The following COLQ variants were observed in gnomAD, a reference collection of about 807,000 sequenced individuals.
The protein encoded by COLQ is collagen like tail subunit of asymmetric acetylcholinesterase, also known as acetylcholinesterase collagenic tail peptide.
In COLQ, 48 loss-of-function variants were observed where a neutral mutation model predicts 69.0. The ratio of observed to expected loss-of-function variants is 0.70; its 90% CI spans 0.55 to 0.88. COLQ has a LOEUF of 0.88. COLQ is among the 40% of genes least tolerant of loss of function. The pLI, the probability that COLQ is intolerant of heterozygous loss-of-function variation, is 0.00. For synonymous variants in COLQ, 217 were observed against 211.2 expected (o/e 1.03, Z -0.24); for missense variants, 618 against 594.6 (o/e 1.04, Z -0.41).
chr3:15,507,423 C>T lies in COLQ; in HGVS notation c.106+14097G>A, dbSNP rs548055749. On this transcript the variant is annotated intron_variant, in intron 1 of 16. Coordinates refer to ENST00000383788, the MANE Select transcript of COLQ (RefSeq NM_005677.4). ...GAGAGTGCCTGTTTCCATACACCTTCGCCAACAGTCTGATGTTTGACCTCT... is the reference window on the plus strand; with the variant it reads ...GAGAGTGCCTGTTTCCATACACCTTTGCCAACAGTCTGATGTTTGACCTCT... Among the ~76,000 whole-genome samples, 9 of 152,322 alleles carry T rather than the reference C, an allele frequency of 5.9e-5. No homozygotes were observed. In the South Asian group the frequency reaches 6.2e-4, roughly 11 times the overall value.
rs141799095 is a variant in COLQ at position 15,453,615 on chromosome 3, C to T, written c.1298+214G>A. On this transcript the variant is annotated intron_variant, in intron 16 of 16. Transcript: ENST00000383788. ...TGGATGGAGCAGGTGGCTGTGGGTG[C>T]CGTGGCTCAGTCTCAGTGGCACGCA... is the stretch of plus-strand genomic sequence containing the variant. Among the ~76,000 whole-genome samples the T allele has an allele frequency of 7.9e-5, 12 of 152,252 alleles. No individual in the cohort carries two copies. In the East Asian group the frequency reaches 2.3e-3, roughly 29 times the overall value.
chr3:15,516,680 A>C (rs1383829089), intron 1 of COLQ, among the ~76,000 whole-genome samples: 2 of 152,204 alleles, frequency 1.3e-5, no homozygotes, highest in Non-Finnish European at 2.9e-5. Flanking sequence ...ACACCATTTC[A>C]CTAGAGTATT....
At position 15,477,150 on chromosome 3, in the gene COLQ, A is replaced by G; in HGVS notation, c.441T>C (p.Gly147=). Residue 147 remains glycine (G), a synonymous_variant, in exon 6 of 17, where the codon GGT becomes GGC. Transcript: ENST00000383788. Reference sequence around the variant, plus strand: ...CCCTGGGTCCTTCAGGGCCTGGCCAACCGATGGGCCCAGGCATGCCAGGAA... The same window carrying G: ...CCCTGGGTCCTTCAGGGCCTGGCCAGCCGATGGGCCCAGGCATGCCAGGAA... ...PGVPGMPGPI[G]WPGPEGPRGE... 6.2e-7 allele frequency: 1 copy of G among 1,605,772 alleles called. No individual in the cohort carries two copies. Among genetic ancestry groups the G allele is most frequent in the South Asian group, 1.1e-5 (1 of 88,932 alleles).
intron 1 of COLQ, among the ~76,000 whole-genome samples, chr3:15,509,859 T>G (rs1172849122): frequency 1.3e-5 from 2 of 152,184 alleles, no homozygotes; most frequent in African/African-American, 4.8e-5. Flanking sequence ...GTTCTGAAAC[T>G]GGAATCTTCA....
intron 1 of COLQ, among the ~76,000 whole-genome samples, chr3:15,512,333 CA>C (rs2062997929): frequency 6.6e-6 from 1 of 152,188 alleles, no homozygotes; most frequent in Non-Finnish European, 1.5e-5. Flanking sequence ...CAGCTGTCAC[CA>C]GCTCCCAAAC....
At chr3:15,496,451 A>C (rs1211775008) in intron 1 of COLQ, 1 of 155,348 alleles carries the variant, frequency 6.4e-6, no homozygotes, top group Non-Finnish European at 1.5e-5. Flanking sequence ...GTGTCATCCG[A>C]GTGGCCTGTG....
chr3:15,486,041 C>T (rs552898901), intron 3 of COLQ, among the ~76,000 whole-genome samples: 1 of 152,310 alleles, frequency 6.6e-6, no homozygotes, highest in African/African-American at 2.4e-5. Flanking sequence ...GGAGCTCCCC[C>T]AGGGAATCGT....
At chr3:15,455,782 A>T in intron 15 of COLQ, 117 bp downstream of exon 15, 1 of 1,401,768 alleles carries the variant, frequency 7.1e-7, no homozygotes, top group Non-Finnish European at 9.9e-7. Context: ...GCCTGGGTAT[A>T]CCCTTCTCTG....
At chr3:15,491,072 T>TG (rs1231367457) in intron 1 of COLQ, among the ~76,000 whole-genome samples, 21 of 152,114 alleles carry the variant, frequency 1.4e-4, no homozygotes, top group Non-Finnish European at 1.9e-4. Context: ...ATGAATCCAG[T>TG]GGGGGTTATT....
intron 4 of COLQ, 30 bp from the exon 5 acceptor site, chr3:15,479,033 G>A: frequency 6.2e-7 from 1 of 1,614,090 alleles, no homozygotes; most frequent in Non-Finnish European, 8.5e-7. Flanking sequence ...GTAAGGAGAG[G>A]CTGCTTTGGA....
chr3:15,489,597 T>C lies in COLQ; in HGVS notation c.147A>G (p.Lys49=), dbSNP rs1177055023. The change falls in exon 2 of 17, where the codon AAA becomes AAG. Residue 49 remains lysine (K), a synonymous_variant. Transcript: ENST00000383788. Reference sequence around the variant, plus strand: ...GAGGAGGCGTCAGCAGGCAGCATGCTTTGTGGCCACCACGCTTCTTCTGAT... The same window carrying C: ...GAGGAGGCGTCAGCAGGCAGCATGCCTTGTGGCCACCACGCTTCTTCTGAT... The part of the protein sequence containing the change: ...SLDQKKRGGH[K]ACCLLTPPPP... The C allele has an allele frequency of 1.9e-6, 3 of 1,614,204 alleles. No homozygotes were observed.
intron 2 of COLQ, among the ~76,000 whole-genome samples, chr3:15,489,202 T>G (rs532000789): frequency 6.6e-6 from 1 of 152,240 alleles, no homozygotes; most frequent in South Asian, 2.1e-4. Context: ...AATTCCATGT[T>G]TGAGCAGCTG....
chr3:15,511,029 C>T (rs2062978648), intron 1 of COLQ, among the ~76,000 whole-genome samples: 1 of 152,158 alleles, frequency 6.6e-6, no homozygotes, highest in Non-Finnish European at 1.5e-5. Flanking sequence ...AAGAGAAATA[C>T]ACGCCAAGAC....
intron 13 of COLQ, among the ~76,000 whole-genome samples, chr3:15,457,685 TC>T (rs1390481007): frequency 6.6e-6 from 1 of 152,058 alleles, no homozygotes; most frequent in Non-Finnish European, 1.5e-5. Context: ...CTATCTCAGC[TC>T]ACTGCAATCT....
chr3:15,474,334 T>A, intron 8 of COLQ, 62 bp from the exon 9 acceptor site: 1 of 1,575,564 alleles, frequency 6.3e-7, no homozygotes, highest in South Asian at 1.1e-5. Flanking sequence ...ATTCAAGCAT[T>A]TCAAACTGAA....
At chr3:15,510,174 T>TA (rs747127611) in intron 1 of COLQ, among the ~76,000 whole-genome samples, 118 of 136,954 alleles carry the variant, frequency 8.6e-4, no homozygotes, top group Middle Eastern at 7.4e-3. Context: ...AGACTCTGTC[T>TA]AAAAAAAAAA....
intron 1 of COLQ, among the ~76,000 whole-genome samples, chr3:15,494,793 C>G (rs1400545808): frequency 6.6e-6 from 1 of 152,140 alleles, no homozygotes; most frequent in Non-Finnish European, 1.5e-5. Context: ...TCTGGGAGAG[C>G]AGGAGCCAGC....
At chr3:15,483,373 C>T (rs888640954) in intron 3 of COLQ, among the ~76,000 whole-genome samples, 2 of 152,214 alleles carry the variant, frequency 1.3e-5, no homozygotes, top group African/African-American at 4.8e-5. Flanking sequence ...TCCCCCTACA[C>T]ACTGCTTTAA....
At chr3:15,503,450 C>T (rs550954571) in intron 1 of COLQ, among the ~76,000 whole-genome samples, 1 of 152,298 alleles carries the variant, frequency 6.6e-6, no homozygotes, top group South Asian at 2.1e-4. Flanking sequence ...AAAGGGCCTG[C>T]ACCCCTGAAT....
Sources: allele counts gnomAD v4.1 joint callset (sites outside exome capture counted in the v4.1 genomes callset), GRCh38; gene constraint gnomAD v4.1.1; transcripts MANE v1.5; gene names NCBI Gene and HGNC (gene_info 2026-07-23, HGNC 2026-07-21).